AGAP6: variants seen among roughly 807,000 people sequenced by gnomAD.
AGAP6 encodes the protein ArfGAP with GTPase domain, ankyrin repeat and PH domain 6.
A neutral mutation model predicts 63.9 loss-of-function variants in AGAP6; 29 were observed. The observed-to-expected ratio is 0.45, with a 90% CI of 0.34 to 0.62. The LOEUF (loss-of-function observed/expected upper bound fraction) is 0.62. AGAP6 is among the 20% of genes least tolerant of loss of function. AGAP6 has a pLI of 0.01. For missense variants in AGAP6, 493 were observed against 884.9 expected (o/e 0.56, Z 5.62); for synonymous variants, 199 against 332.9 (o/e 0.60, Z 4.38).
At chr10:49,996,079 TA>T (rs1841475579) in intron 4 of AGAP6, among the ~76,000 whole-genome samples, 1 of 152,202 alleles carries the variant, frequency 6.6e-6, no homozygotes, top group Non-Finnish European at 1.5e-5. Flanking sequence ...ATAGTCTTGT[TA>T]TTCAGATGCT....
In AGAP6 at chr10:49,992,733, G is replaced by A. The variant is rs1589085111; in HGVS notation, c.361+989G>A. Among the ~76,000 whole-genome samples the A allele has an allele frequency of 2.6e-5, 4 of 152,016 alleles. 1 individual carries two copies. In the South Asian group the frequency reaches 8.3e-4, roughly 32 times the overall value. On this transcript the variant is annotated intron_variant, in intron 3 of 7. Coordinates refer to ENST00000412531, the MANE Select transcript of AGAP6 (RefSeq NM_001077665.3). ...GTGGTTCCACACGGTGAAAGAGGGA[G>A]GAGAGAGGGGAAGGGGGAAGGTACC...
chr10:50,009,769 C>T lies in AGAP6; in HGVS notation c.1644C>T (p.Ser548=), dbSNP rs1842040954. 4.3e-6 allele frequency: 7 copies of T among 1,613,850 alleles called. No individual in the cohort carries two copies. The highest frequency in any genetic ancestry group is 5.1e-6 in the Non-Finnish European group (6 of 1,179,978). The part of the protein sequence containing the change: ...DLANSIWEGS[S]QGQTKPSEKS... The stretch of plus-strand genomic sequence containing the variant: ...CCAACAGCATCTGGGAAGGGAGCAG[C>T]CAGGGGCAGACAAAACCCTCAGAAA... Residue 548 remains serine, a synonymous_variant, in exon 8 of 8, where the codon AGC becomes AGT. Transcript: ENST00000412531.
chr10:49,991,405 T>TTA (rs1355060826), intron 2 of AGAP6, among the ~76,000 whole-genome samples: 3 of 149,652 alleles, frequency 2.0e-5, no homozygotes, highest in East Asian at 2.0e-4. Flanking sequence ...TTTTTTTTTT[T>TTA]AATAAAGGAG....
intron 2 of AGAP6, among the ~76,000 whole-genome samples, chr10:49,989,817 G>A (rs1157470703): frequency 6.6e-6 from 1 of 152,176 alleles, no homozygotes; most frequent in African/African-American, 2.4e-5. Flanking sequence ...GCAGAAAAAT[G>A]GTTGTGTGTG....
chr10:50,007,392 CAAAA>C (rs782611919), intron 6 of AGAP6, among the ~76,000 whole-genome samples: 3 of 8,582 alleles, frequency 3.5e-4, no homozygotes, highest in East Asian at 2.0e-3. Context: ...AACTTGGTCT[CAAAA>C]AAAAAAAAAA....
chr10:49,994,367 G>A (rs1554861600), intron 3 of AGAP6, 28 bp from the exon 4 acceptor site: 1 of 1,526,496 alleles, frequency 6.6e-7, no homozygotes, highest in South Asian at 1.2e-5. Flanking sequence ...TGTATCAGAA[G>A]TGACCAGTTT....
rs1402904902 is a variant in AGAP6 at position 50,008,857 on chromosome 10, C to G, written c.732C>G (p.Cys244Trp). 1 of 1,613,946 alleles carries G rather than the reference C, an allele frequency of 6.2e-7. No homozygotes were observed. Among genetic ancestry groups the G allele is most frequent in the Non-Finnish European group, 8.5e-7 (1 of 1,180,010 alleles). ...CTGCCAACACACCCACGCCCGTTTG[C>G]AAGCGGTCCATGCGCTGGTCCAACC... ...PPTANTPTPV[C>W]KRSMRWSNLF... Residue 244 changes from cysteine to tryptophan, a missense_variant, in exon 8 of 8, where the codon TGC becomes TGG. Coordinates refer to ENST00000412531, the MANE Select transcript of AGAP6 (RefSeq NM_001077665.3).
In AGAP6 at chr10:50,008,870, C is replaced by T. The variant is rs781828246; in HGVS notation, c.745C>T (p.Arg249Cys). 20 of 1,613,790 alleles carry T rather than the reference C, an allele frequency of 1.2e-5. No individual in the cohort carries two copies. Among genetic ancestry groups the T allele is most frequent in the South Asian group, 6.6e-5 (6 of 91,066 alleles). Residue 249 changes from arginine (R) to cysteine (C), a missense_variant, in exon 8 of 8, where the codon CGC becomes TGC. Physicochemically the swap from Arg to Cys is radical, Grantham distance 180. This residue lies in a region of AGAP6 where 342 missense variants were observed against 533.4 expected (regional missense o/e 0.64). Coordinates refer to ENST00000412531, the MANE Select transcript of AGAP6 (RefSeq NM_001077665.3). Reference protein sequence around the residue: ...TPTPVCKRSMRWSNLFTSEKG... With the variant: ...TPTPVCKRSMCWSNLFTSEKG... ...CACGCCCGTTTGCAAGCGGTCCATG[C>T]GCTGGTCCAACCTGTTTACATCTGA...
At chr10:50,001,878 A>G (rs1437381467) in intron 4 of AGAP6, 118 bp from the exon 5 acceptor site, 28 of 976,028 alleles carry the variant, frequency 2.9e-5, no homozygotes, top group Non-Finnish European at 3.5e-5. Context: ...TGCACATGAT[A>G]CCACACTCAG....
chr10:49,994,893 C>T (rs1197825852), intron 4 of AGAP6, among the ~76,000 whole-genome samples: 5 of 140,530 alleles, frequency 3.6e-5, no homozygotes, highest in Admixed American at 1.6e-4. Flanking sequence ...ACCCAGGAGG[C>T]GGAGGTTGCA....
chr10:49,993,417 A>T (rs1423706035), intron 3 of AGAP6, among the ~76,000 whole-genome samples: 3 of 152,128 alleles, frequency 2.0e-5, no homozygotes, highest in Non-Finnish European at 4.4e-5. Context: ...GCATGGCCCA[A>T]GTCCCTCTTG....
chr10:49,989,217 C>G (rs1554860283), intron 1 of AGAP6, 91 bp from the exon 2 acceptor site: 1 of 1,560,366 alleles, frequency 6.4e-7, no homozygotes, highest in Non-Finnish European at 8.6e-7. Context: ...TTATTTATGG[C>G]TCTTGTCGAA....
At position 49,988,555 on chromosome 10, in the gene AGAP6, G is replaced by T; in HGVS notation, c.-161G>T. On this transcript the variant is annotated 5_prime_UTR_variant, in exon 1 of 8. Transcript: ENST00000412531. Reference sequence around the variant, plus strand: ...TTGGCCCGCAGCCCTAGCCGGGGCCGGGGCCAGGGCTGGTGCCCGGGGCCT... The same window carrying T: ...TTGGCCCGCAGCCCTAGCCGGGGCCTGGGCCAGGGCTGGTGCCCGGGGCCT... 3.3e-6 allele frequency: 5 copies of T among 1,536,522 alleles called. No homozygotes were observed. The highest frequency in any genetic ancestry group is 4.4e-6 in the Non-Finnish European group (5 of 1,147,442).
chr10:50,004,608 T>C, intron 5 of AGAP6, 77 bp from the exon 6 acceptor site: 1 of 723,274 alleles, frequency 1.4e-6, no homozygotes, highest in Non-Finnish European at 2.2e-6. Flanking sequence ...GAGTTTCCTC[T>C]GCCCCCCTTT....
At chr10:49,995,995 T>C (rs1179586537) in intron 4 of AGAP6, among the ~76,000 whole-genome samples, 2 of 152,160 alleles carry the variant, frequency 1.3e-5, no homozygotes, top group African/African-American at 2.4e-5. Flanking sequence ...CTTTTCATTT[T>C]ATTGAGGCTA....
At position 49,998,609 on chromosome 10, in the gene AGAP6, C is replaced by T. The variant is rs376794721; in HGVS notation, c.397-3387C>T. Among the ~76,000 whole-genome samples the T allele has an allele frequency of 5.2e-5, 7 of 135,264 alleles. 1 individual carries two copies. Among genetic ancestry groups the T allele is most frequent in the East Asian group, 5.0e-4 (2 of 3,994 alleles). 88.7% of individuals were successfully genotyped at this position (135,264 alleles called of 152,430 possible). On this transcript the variant is annotated intron_variant, in intron 4 of 7. Transcript: ENST00000412531. ...TTATATCAGTACCATGCTATTTTGG[C>T]GACTATGGCCTTATAGTATAGTTTG...
At chr10:50,001,827 A>G (rs1161762202) in intron 4 of AGAP6, among the ~76,000 whole-genome samples, 169 bp from the exon 5 acceptor site, 1 of 135,088 alleles carries the variant, frequency 7.4e-6, no homozygotes, top group East Asian at 2.2e-4. Flanking sequence ...CTTAAACATC[A>G]TCTCTGGAAG....
At chr10:49,994,190 A>G (rs1416549694) in intron 3 of AGAP6, among the ~76,000 whole-genome samples, 1 of 152,194 alleles carries the variant, frequency 6.6e-6, no homozygotes, top group Admixed American at 6.5e-5. Flanking sequence ...AGAAACAAAA[A>G]GTAAACTAAA....
chr10:49,997,393 G>C (rs1243485875), intron 4 of AGAP6, among the ~76,000 whole-genome samples: 3 of 152,192 alleles, frequency 2.0e-5, no homozygotes, highest in Non-Finnish European at 4.4e-5. Flanking sequence ...TACCTACTCA[G>C]GAGGCTGAGG....
Sources: gnomAD v4.1 joint callset for allele counts (sites outside exome capture counted in the v4.1 genomes callset) on GRCh38, gnomAD v4.1.1 for gene constraint, gnomAD v4.1.1 regional missense constraint, MANE v1.5 for transcripts, NCBI Gene and HGNC (gene_info 2026-07-23, HGNC 2026-07-21) for gene names.